Variants in NEK3 observed in about 807,000 individuals in gnomAD.
NEK3 encodes serine/threonine-protein kinase Nek3.
In NEK3, 54 loss-of-function variants were observed where a neutral mutation model predicts 66.0. That is an observed-to-expected ratio of 0.82 (90% CI 0.66 to 1.03). NEK3 has a LOEUF of 1.03. Among genes scored for constraint, NEK3 ranks in the 50% least tolerant of loss-of-function variants. The pLI is 0.00. For missense variants in NEK3, 593 were observed against 603.0 expected, an observed-to-expected ratio of 0.98 and a Z score of 0.17; for synonymous variants, 200 against 206.2, an observed-to-expected ratio of 0.97 and a Z score of 0.26.
At chr13:52,159,178 G>A (rs1250577314) in intron 1 of NEK3, 1 of 152,156 alleles carries the variant, frequency 6.6e-6, no homozygotes, top group Non-Finnish European at 1.5e-5. Context: ...TTCTTTTTTT[G>A]CTGCAACAGC....
rs762382088 is a variant in NEK3, at chr13:52,135,848, T to C, written c.1190A>G (p.Lys397Arg). The change falls in exon 14 of 16, where the codon AAG becomes AGG. Residue 397 changes from lysine to arginine, a missense_variant. Physicochemically the swap from Lys to Arg is conservative, Grantham distance 26 (BLOSUM62 2). Coordinates refer to ENST00000610828, the MANE Select transcript of NEK3 (RefSeq NM_002498.3). ...AEDDRGGSVI[K>R]YSKNTTRKQW... Reference sequence around the variant, plus strand: ...CTTACGAGTAGTATTTTTGCTGTACTTTATTACAGAACCACCTAGTTGCAA... The same window carrying C: ...CTTACGAGTAGTATTTTTGCTGTACCTTATTACAGAACCACCTAGTTGCAA... 7 of 1,611,684 alleles carry C rather than the reference T, an allele frequency of 4.3e-6. No homozygotes were observed. The highest frequency in any genetic ancestry group is 1.7e-5 in the Admixed American group (1 of 59,456).
Position 52,146,190 on chromosome 13 carries a change from G to A in NEK3, c.604-1299C>T, listed in dbSNP as rs114185520. Among the ~76,000 whole-genome samples, 822 of 152,020 alleles carry A rather than the reference G, an allele frequency of 5.4e-3. 7 individuals are homozygous for A. The highest frequency in any genetic ancestry group is 0.019 in the African/African-American group (776 of 41,468). ...TAATTACAGTGTGGGGTATATAGAA[G>A]CTTTTTGTATTATCTTTGTAATTTT... On this transcript the variant is annotated intron_variant, in intron 8 of 15. Coordinates refer to ENST00000610828, the MANE Select transcript of NEK3 (RefSeq NM_002498.3).
chr13:52,137,699 G>C (rs546317025), intron 11 of NEK3, among the ~76,000 whole-genome samples: 29 of 152,286 alleles, frequency 1.9e-4, no homozygotes, highest in South Asian at 1.9e-3. Flanking sequence ...GGGCAGCTGT[G>C]AAAAGCCCCC....
Position 52,153,999 on chromosome 13 carries a change from C to G in NEK3, c.212-7G>C. On this transcript the variant is annotated splice_polypyrimidine_tract_variant and splice_region_variant and intron_variant, in intron 3 of 15. Coordinates refer to ENST00000610828, the MANE Select transcript of NEK3 (RefSeq NM_002498.3). Reference sequence around the variant, plus strand: ...ATATACAAGTGTCCTTCAGCTAAAACAGATATAAGCTCTTTAGAAAAGCTG... The same window carrying G: ...ATATACAAGTGTCCTTCAGCTAAAAGAGATATAAGCTCTTTAGAAAAGCTG... 6.2e-7 allele frequency: 1 copy of G among 1,608,892 alleles called. No homozygotes were observed. Among genetic ancestry groups the G allele is most frequent in the Non-Finnish European group, 8.5e-7 (1 of 1,175,654 alleles).
At position 52,140,214 on chromosome 13, in the gene NEK3, C is replaced by CAA. The variant is rs397851494; in HGVS notation, c.927+804_927+805dup. Among the ~76,000 whole-genome samples the CAA allele has an allele frequency of 6.0e-3, 459 of 76,772 alleles. 1 individual carries two copies. Among genetic ancestry groups the CAA allele is most frequent in the African/African-American group, 0.025 (415 of 16,844 alleles). 50.4% of individuals were successfully genotyped at this position (76,772 alleles called of 152,430 possible). ...TGGATGCCAAAGTGAGACCCTATCT[C>CAA]AAAAAAAAAAAAAAAAAAAAGCCAG... is the stretch of plus-strand genomic sequence containing the variant. On this transcript the variant is annotated intron_variant, in intron 11 of 15. Transcript: ENST00000610828.
chr13:52,156,078 G>T lies in NEK3; in HGVS notation c.114C>A (p.Pro38=). ...AGCTAATTTCTTTAGTAGTGACCTT[G>T]GGAAGCCTTATTTCTTTCATGGCAA... is the stretch of plus-strand genomic sequence containing the variant. The part of the protein sequence containing the change: ...QMFAMKEIRL[P]KSFSNTQNSR... Residue 38 remains proline, a synonymous_variant, in exon 2 of 16, where the codon CCC becomes CCA. Transcript: ENST00000610828. The T allele has an allele frequency of 6.3e-7, 1 of 1,586,056 alleles. No individual in the cohort carries two copies. Among genetic ancestry groups the T allele is most frequent in the Non-Finnish European group, 8.6e-7 (1 of 1,161,150 alleles).
In NEK3 at chr13:52,148,417, G is replaced by T. The variant is rs200211291; in HGVS notation, c.601C>A (p.Pro201Thr). 339 of 1,612,802 alleles carry T rather than the reference G, an allele frequency of 2.1e-4. No individual in the cohort carries two copies. The highest frequency in any genetic ancestry group is 2.7e-4 in the Non-Finnish European group (317 of 1,179,262). ...ILYELCTLKH[P>T]FQANSWKNLI... ...TCCATTTTGCACGCCATACTTACTG[G>T]ATGCTTAAGGGTACAGAGTTCATAC... The change falls in exon 8 of 16, where the codon CCA (proline) becomes ACA (threonine). Residue 201 changes from proline (P) to threonine (T), a missense_variant and splice_region_variant. Transcript: ENST00000610828.
chr13:52,136,349 GTT>G (rs1295886768), intron 12 of NEK3, 90 bp from the exon 13 acceptor site: 1 of 1,250,740 alleles, frequency 8.0e-7, no homozygotes, highest in African/African-American at 1.5e-5. Context: ...ATATGGAAGT[GTT>G]TCTTTTCTCT....
chr13:52,136,120 A>G lies in NEK3; in HGVS notation c.1170T>C (p.Asp390=), dbSNP rs377559566. The change falls in exon 13 of 16, where the codon GAT becomes GAC. Residue 390 remains aspartate (D), a synonymous_variant. Coordinates refer to ENST00000610828, the MANE Select transcript of NEK3 (RefSeq NM_002498.3). ...GTATTCAATCTGACTACTAACCTCT[A>G]TCGTCCTCTGCTGTTAAACTGGAGG... The part of the protein sequence containing the change: ...ILTSSLTAED[D]RGGSVIKYSK... The G allele has an allele frequency of 2.0e-5, 32 of 1,613,544 alleles. No individual in the cohort carries two copies. In the African/African-American group the frequency reaches 2.5e-4, roughly 13 times the overall value.
At position 52,148,403 on chromosome 13, in the gene NEK3, C is replaced by A. The variant is rs553893208; in HGVS notation, c.603+12G>T. The A allele has an allele frequency of 3.1e-6, 5 of 1,612,138 alleles. No individual in the cohort carries two copies. The East Asian group carries it at 1.1e-4, about 36-fold the overall frequency. The stretch of plus-strand genomic sequence containing the variant: ...GACAAGCTGCCTTTTCCATTTTGCA[C>A]GCCATACTTACTGGATGCTTAAGGG... On this transcript the variant is annotated intron_variant, in intron 8 of 15. Transcript: ENST00000610828.
At chr13:52,140,088 GC>G in intron 11 of NEK3, among the ~76,000 whole-genome samples, 1 of 146,352 alleles carries the variant, frequency 6.8e-6, no homozygotes, top group Non-Finnish European at 1.5e-5. Context: ...GGTGGCACAT[GC>G]CTGTAGTCCC....
At chr13:52,151,552 C>T (rs1403202304) in intron 5 of NEK3, among the ~76,000 whole-genome samples, 160 bp from the exon 6 acceptor site, 3 of 152,194 alleles carry the variant, frequency 2.0e-5, no homozygotes, top group African/African-American at 7.2e-5. Flanking sequence ...CTCTTGATCG[C>T]TAGACATTCC....
chr13:52,155,853 T>A lies in NEK3; in HGVS notation c.117+222A>T, dbSNP rs1222380383. ...CACCACACTTGCCTAATTTTTTTTTTATTATTTTTACTAGAGACGGGTTTT... is the reference window on the plus strand; with the variant it reads ...CACCACACTTGCCTAATTTTTTTTTAATTATTTTTACTAGAGACGGGTTTT... On this transcript the variant is annotated intron_variant, in intron 2 of 15. Transcript: ENST00000610828. Among the ~76,000 whole-genome samples, 8 of 152,044 alleles carry A rather than the reference T, an allele frequency of 5.3e-5. No homozygotes were observed. The East Asian group carries it at 5.8e-4, about 11-fold the overall frequency.
Position 52,136,155 on chromosome 13 carries a change from A to C in NEK3, c.1135T>G (p.Ser379Ala). 6.2e-7 allele frequency: 1 copy of C among 1,613,792 alleles called. No homozygotes were observed. The highest frequency in any genetic ancestry group is 8.5e-7 in the Non-Finnish European group (1 of 1,179,722). ...GCTGTTAAACTGGAGGTGAGTATGG[A>C]TGCATTTTCCAAAGCTGTAAGAGCT... ...NTALTALENA[S>A]ILTSSLTAED... Residue 379 changes from serine to alanine, a missense_variant, in exon 13 of 16, where the codon TCC becomes GCC. Ser to Ala is a moderately conservative substitution (Grantham distance 99). Coordinates refer to ENST00000610828, the MANE Select transcript of NEK3 (RefSeq NM_002498.3).
chr13:52,133,274 T>C (rs751350629), intron 15 of NEK3, 48 bp from the exon 16 acceptor site: 18 of 1,395,242 alleles, frequency 1.3e-5, no homozygotes, highest in Non-Finnish European at 1.6e-5. Context: ...AGGGGCACAG[T>C]ATCTGTTGAT....
At position 52,136,208 on chromosome 13, in the gene NEK3, C is replaced by T. The variant is rs74087069; in HGVS notation, c.1082G>A (p.Arg361Gln). 1,712 of 1,613,704 alleles carry T rather than the reference C, an allele frequency of 1.1e-3. 23 individuals carry two copies. The African/African-American group carries it at 0.021, about 19-fold the overall frequency. ...ATTGGGTACATTTTTCTCCCACTGT[C>T]GTCTATGAAGATTTGGTGAACTGGC... ...RKASSPNLHR[R>Q]QWEKNVPNTA... Residue 361 changes from arginine (R) to glutamine (Q), a missense_variant, in exon 13 of 16, where the codon CGA (arginine) becomes CAA (glutamine). By Grantham distance (43) the Arg-to-Gln change is conservative (BLOSUM62 1). Transcript: ENST00000610828.
At chr13:52,147,864 T>A (rs1956307254) in intron 8 of NEK3, among the ~76,000 whole-genome samples, 1 of 152,030 alleles carries the variant, frequency 6.6e-6, no homozygotes. Context: ...GGCATGGTGG[T>A]ATGCACCTGT....
intron 10 of NEK3, 133 bp downstream of exon 10, chr13:52,143,782 C>G: frequency 1.7e-6 from 1 of 597,416 alleles, no homozygotes; most frequent in South Asian, 1.9e-5. Context: ...TCTAAAGTAA[C>G]AAAAAGAAAA....
intron 8 of NEK3, among the ~76,000 whole-genome samples, chr13:52,146,098 TTAA>T (rs1956293891): frequency 2.0e-5 from 3 of 152,242 alleles, no homozygotes; most frequent in Admixed American, 1.3e-4. Context: ...TCATTTTTCC[TTAA>T]TAATTTCTGC....
Sources: allele counts gnomAD v4.1 joint callset (sites outside exome capture counted in the v4.1 genomes callset), GRCh38; gene constraint gnomAD v4.1.1; transcripts MANE v1.5; gene names NCBI Gene and HGNC (gene_info 2026-07-23, HGNC 2026-07-21).